The following TTLL11 variants were observed in gnomAD, a reference collection of about 807,000 sequenced individuals.
The protein encoded by TTLL11 is tubulin tyrosine ligase like 11.
In TTLL11, 42 loss-of-function variants were observed where a neutral mutation model predicts 51.7. The observed-to-expected ratio is 0.81, with a 90% CI of 0.64 to 1.05. The LOEUF (loss-of-function observed/expected upper bound fraction) is 1.05. Ranked by LOEUF, TTLL11 falls within the 50% of genes least tolerant of loss-of-function variation. The pLI, the probability that TTLL11 is intolerant of heterozygous loss-of-function variation, is 0.00. For synonymous variants in TTLL11, 381 were observed against 383.5 expected (o/e 0.99, Z 0.08); for missense variants, 799 against 940.4 (o/e 0.85, Z 1.97).
At chr9:122,003,233 A>T (rs758365934) in intron 3 of TTLL11, among the ~76,000 whole-genome samples, 8 of 152,214 alleles carry the variant, frequency 5.3e-5, no homozygotes, top group Non-Finnish European at 1.5e-5. Context: ...TCTCCGGTCC[A>T]GCACTTCCCA....
rs561564973 is a variant in TTLL11, at chr9:122,020,351, C to T, written c.693+11372G>A. Among the ~76,000 whole-genome samples, 3 of 152,346 alleles carry T rather than the reference C, an allele frequency of 2.0e-5. No homozygotes were observed. In the South Asian group the frequency reaches 6.2e-4, roughly 32 times the overall value. On this transcript the variant is annotated intron_variant, in intron 3 of 8. Coordinates refer to ENST00000321582, the MANE Select transcript of TTLL11 (RefSeq NM_001139442.2). ...TTGCCCTCAGCCCTGTCCAACCCTG[C>T]TCCCCATCACCAACAAAGTTTTACT...
chr9:121,824,079 G>A (rs976308500), intron 8 of TTLL11, among the ~76,000 whole-genome samples: 20 of 152,178 alleles, frequency 1.3e-4, no homozygotes, highest in African/African-American at 1.9e-4. Flanking sequence ...ATGAATGAGT[G>A]AATGAATGAA....
At position 121,870,617 on chromosome 9, in the gene TTLL11, T is replaced by A. The variant is rs1441828060; in HGVS notation, c.1613A>T (p.Lys538Met). The A allele has an allele frequency of 6.4e-7, 1 of 1,551,764 alleles. No individual in the cohort carries two copies. Among genetic ancestry groups the A allele is most frequent in the East Asian group, 2.4e-5 (1 of 40,920 alleles). ...CAGGTAGTTGAACTGTTTTGCGTAC[T>A]TGGGGAACACCTGCTTGAGGCAAAT... is the stretch of plus-strand genomic sequence containing the variant. ...PSICLKQVFP[K>M]YAKQFNYLRL... The change falls in exon 7 of 9, where the codon AAG becomes ATG. Residue 538 changes from lysine to methionine, a missense_variant. Coordinates refer to ENST00000321582, the MANE Select transcript of TTLL11 (RefSeq NM_001139442.2).
intron 6 of TTLL11, among the ~76,000 whole-genome samples, chr9:121,875,216 G>T (rs912541014): frequency 3.9e-5 from 6 of 152,086 alleles, no homozygotes; most frequent in African/African-American, 1.4e-4. Context: ...GATAGATAAG[G>T]TCATTTGATC....
At chr9:121,829,962 T>C (rs930814593) in intron 8 of TTLL11, among the ~76,000 whole-genome samples, 3 of 152,200 alleles carry the variant, frequency 2.0e-5, no homozygotes, top group African/African-American at 7.2e-5. Flanking sequence ...GATAAATCCA[T>C]GGGTACATGG....
intron 6 of TTLL11, among the ~76,000 whole-genome samples, chr9:121,881,392 A>G (rs1001795731): frequency 6.6e-6 from 1 of 152,170 alleles, no homozygotes; most frequent in Admixed American, 6.5e-5. Context: ...GGTAATCCTA[A>G]TTCTCTTCTA....
At chr9:121,962,793 G>A (rs968782886) in intron 6 of TTLL11, among the ~76,000 whole-genome samples, 1 of 152,170 alleles carries the variant, frequency 6.6e-6, no homozygotes, top group African/African-American at 2.4e-5. Flanking sequence ...GAACATTATT[G>A]AAAATAAAGT....
chr9:121,870,632 T>C lies in TTLL11; in HGVS notation c.1598A>G (p.Lys533Arg). Residue 533 changes from lysine (K) to arginine (R), a missense_variant, in exon 7 of 9, where the codon AAG (lysine) becomes AGG (arginine). By Grantham distance (26) the Lys-to-Arg change is conservative. This residue lies in a region of TTLL11 where 468 missense variants were observed against 612.8 expected (regional missense o/e 0.76). Coordinates refer to ENST00000321582, the MANE Select transcript of TTLL11 (RefSeq NM_001139442.2). ...TTTTGCGTACTTGGGGAACACCTGC[T>C]TGAGGCAAATGGAAGGCAGGTGGGC... ...PEAHLPSICL[K>R]QVFPKYAKQF... 1.3e-6 allele frequency: 2 copies of C among 1,551,772 alleles called. No individual in the cohort carries two copies. Among genetic ancestry groups the C allele is most frequent in the Non-Finnish European group, 8.7e-7 (1 of 1,147,022 alleles).
At chr9:122,072,385 T>C (rs1845753124) in intron 1 of TTLL11, among the ~76,000 whole-genome samples, 1 of 152,106 alleles carries the variant, frequency 6.6e-6, no homozygotes, top group African/African-American at 2.4e-5. Flanking sequence ...GGCTCACACC[T>C]GTAATCCTAG....
chr9:122,039,248 A>G (rs1564370439), intron 2 of TTLL11, 24 bp downstream of exon 2: 1 of 1,598,378 alleles, frequency 6.3e-7, no homozygotes, highest in Non-Finnish European at 8.6e-7. Context: ...AACATGTTTA[A>G]ATGTCAACAA....
intron 1 of TTLL11, 91 bp downstream of exon 1, chr9:122,092,596 C>T: frequency 6.7e-7 from 1 of 1,495,684 alleles, no homozygotes; most frequent in Non-Finnish European, 8.9e-7. Flanking sequence ...TCAGCCCTCG[C>T]CCGCCGACCT....
At chr9:121,942,995 C>G (rs535969046) in intron 6 of TTLL11, among the ~76,000 whole-genome samples, 50 of 152,144 alleles carry the variant, frequency 3.3e-4, no homozygotes, top group Non-Finnish European at 6.9e-4. Context: ...ACAGTAGACC[C>G]TTGGCGCTGG....
At chr9:121,949,686 A>G (rs1203458477) in intron 6 of TTLL11, among the ~76,000 whole-genome samples, 1 of 151,950 alleles carries the variant, frequency 6.6e-6, no homozygotes, top group Non-Finnish European at 1.5e-5. Context: ...GCTTGGGTCC[A>G]TCAGTCTGCC....
intron 6 of TTLL11, among the ~76,000 whole-genome samples, chr9:121,948,079 T>C (rs1841733303): frequency 6.6e-6 from 1 of 152,246 alleles, no homozygotes; most frequent in Admixed American, 6.5e-5. Flanking sequence ...CTATTACATG[T>C]CAAGCCCTAT....
intron 1 of TTLL11, among the ~76,000 whole-genome samples, chr9:122,062,875 G>C (rs1404391380): frequency 6.6e-6 from 1 of 151,786 alleles, no homozygotes; most frequent in African/African-American, 2.4e-5. Context: ...GACCTCCCAG[G>C]CTCAAGCAAT....
chr9:122,053,440 TCCACGCAGC>T (rs527379986), intron 1 of TTLL11, among the ~76,000 whole-genome samples: 6 of 151,136 alleles, frequency 4.0e-5, no homozygotes, highest in Admixed American at 2.0e-4. Flanking sequence ...GTTGGAGAGG[TCCACGCAGC>T]CCACACAGCC....
intron 6 of TTLL11, among the ~76,000 whole-genome samples, chr9:121,916,912 T>C (rs1288014797): frequency 6.6e-6 from 1 of 152,214 alleles, no homozygotes; most frequent in Non-Finnish European, 1.5e-5. Context: ...TGGGGAGCTG[T>C]TGCAGACACA....
chr9:121,828,037 A>G (rs925361300), intron 8 of TTLL11, among the ~76,000 whole-genome samples: 1 of 152,134 alleles, frequency 6.6e-6, no homozygotes, highest in Non-Finnish European at 1.5e-5. Flanking sequence ...ATATAATGAG[A>G]GTCTTAGCAG....
chr9:121,917,305 A>T (rs973572833), intron 6 of TTLL11, among the ~76,000 whole-genome samples: 2 of 126,716 alleles, frequency 1.6e-5, no homozygotes, highest in East Asian at 2.0e-4. Flanking sequence ...TTATCTCTAT[A>T]AAAAAAAAAA....
Sources: allele counts gnomAD v4.1 joint callset (sites outside exome capture counted in the v4.1 genomes callset), GRCh38; gene constraint gnomAD v4.1.1; regional missense constraint gnomAD v4.1.1; transcripts MANE v1.5; gene names NCBI Gene and HGNC (gene_info 2026-07-23, HGNC 2026-07-21).